C5orf24: variants seen among roughly 807,000 people sequenced by gnomAD.
C5orf24 encodes the protein chromosome 5 open reading frame 24, also known as UPF0461 protein C5orf24.
A neutral mutation model predicts 9.8 loss-of-function variants in C5orf24; 4 were observed. The ratio of observed to expected loss-of-function variants is 0.41; its 90% confidence interval spans 0.20 to 0.93. C5orf24 has a LOEUF of 0.93. Among genes scored for constraint, C5orf24 ranks in the 40% least tolerant of loss-of-function variants. The probability of loss-of-function intolerance (pLI) is 0.33; values close to 1 mark genes in which losing one functional copy is unlikely to be tolerated. For missense variants in C5orf24, 170 were observed against 236.9 expected, an observed-to-expected ratio of 0.72 and a Z score of 1.85; for synonymous variants, 73 against 81.3, an observed-to-expected ratio of 0.90 and a Z score of 0.55.
At chr5:134,854,395 A>G (rs1274870509) in intron 1 of C5orf24, among the ~76,000 whole-genome samples, 1 of 152,254 alleles carries the variant, frequency 6.6e-6, no homozygotes, top group East Asian at 1.9e-4. Flanking sequence ...ATAATAAATT[A>G]CAATAACGAT....
chr5:134,838,698 A>G, the C5orf24 span, among the ~76,000 whole-genome samples: 1 of 151,742 alleles, frequency 6.6e-6, no homozygotes, highest in South Asian at 2.1e-4. Flanking sequence ...TAATTTCAGC[A>G]CTTTGAGAGG....
upstream of C5orf24, among the ~76,000 whole-genome samples, chr5:134,842,286 TC>T (rs1360845813): frequency 1.3e-5 from 2 of 152,052 alleles, no homozygotes; most frequent in African/African-American, 4.8e-5. Context: ...GGTCAGGAGT[TC>T]AAGACCAGCC....
intron 1 of C5orf24, among the ~76,000 whole-genome samples, chr5:134,853,782 C>CTT (rs2150175694): frequency 6.6e-6 from 1 of 152,128 alleles, no homozygotes; most frequent in Non-Finnish European, 1.5e-5. Context: ...ATAAATACAC[C>CTT]TTACAAATAG....
rs1252569041 is a variant in C5orf24 at position 134,857,784 on chromosome 5, ATTTG to A, written c.*2321_*2324del. The A allele has an allele frequency of 3.8e-5, 7 of 182,832 alleles. No homozygotes were observed. The South Asian group carries it at 1.2e-3, about 31-fold the overall frequency. 11.3% of individuals were successfully genotyped at this position (182,832 alleles called of 1,614,324 possible). A position where few individuals can be genotyped will look rare whatever the true frequency, so the allele number is the denominator to read the frequency against. On this transcript the variant is annotated 3_prime_UTR_variant, in exon 2 of 2. Coordinates refer to ENST00000394976, the MANE Select transcript of C5orf24 (RefSeq NM_001135586.1). ...CTTTTTCAAGCCAGTTTCTAAAGACATTTGTTTAATGTTCTACCATAGAATAATG... is the reference window on the plus strand; with the variant it reads ...CTTTTTCAAGCCAGTTTCTAAAGACATTTAATGTTCTACCATAGAATAATG...
Position 134,855,601 on chromosome 5 carries a change from GCT to G in C5orf24, c.*135_*136del. On this transcript the variant is annotated 3_prime_UTR_variant, in exon 2 of 2. Transcript: ENST00000394976. The stretch of plus-strand genomic sequence containing the variant: ...TGTTTTCCTGTTTGGTTTTTTTCCT[GCT>G]TTTGCTCAAAAACTGCCATATGCTG... 6.8e-7 allele frequency: 1 copy of G among 1,474,560 alleles called. No individual in the cohort carries two copies. The highest frequency in any genetic ancestry group is 9.0e-7 in the Non-Finnish European group (1 of 1,112,042). The allele number at this position is 1,474,560 out of a possible 1,614,324, so 91.3% of individuals were successfully genotyped here. A position where few individuals can be genotyped will look rare whatever the true frequency, so the allele number is the denominator to read the frequency against.
upstream of C5orf24, among the ~76,000 whole-genome samples, chr5:134,843,301 G>T (rs1202638638): frequency 2.0e-5 from 3 of 151,994 alleles, no homozygotes; most frequent in African/African-American, 7.2e-5. Flanking sequence ...TCTTATTCAA[G>T]ATTTTATTGG....
At chr5:134,849,895 T>C (rs1756108539) in intron 1 of C5orf24, among the ~76,000 whole-genome samples, 1 of 151,940 alleles carries the variant, frequency 6.6e-6, no homozygotes, top group Non-Finnish European at 1.5e-5. Context: ...TGACCTCAAG[T>C]GATCCACCCG....
At chr5:134,849,100 C>A (rs942494155) in intron 1 of C5orf24, among the ~76,000 whole-genome samples, 3 of 143,014 alleles carry the variant, frequency 2.1e-5, no homozygotes, top group African/African-American at 7.8e-5. Context: ...ACTAAATATA[C>A]AAAAATTAGC....
chr5:134,847,552 C>T (rs61635214), intron 1 of C5orf24, among the ~76,000 whole-genome samples: 13,273 of 152,234 alleles, frequency 0.087, 808 homozygotes, highest in East Asian at 0.22. Flanking sequence ...TCTCAACCTC[C>T]CAAAGTGCTG....
chr5:134,853,350 A>G (rs1239421869), intron 1 of C5orf24, among the ~76,000 whole-genome samples: 1 of 148,394 alleles, frequency 6.7e-6, no homozygotes, highest in East Asian at 2.0e-4. Flanking sequence ...AACAAGTGCG[A>G]AACTCCACCT....
chr5:134,853,929 A>C (rs1357047348), intron 1 of C5orf24, among the ~76,000 whole-genome samples: 3 of 152,142 alleles, frequency 2.0e-5, no homozygotes, highest in African/African-American at 7.2e-5. Flanking sequence ...AAAGTACAAA[A>C]ATTAGCCGAA....
chr5:134,836,933 G>A, the C5orf24 span, among the ~76,000 whole-genome samples: 2 of 152,040 alleles, frequency 1.3e-5, no homozygotes, highest in African/African-American at 4.8e-5. Context: ...TATATTGGGA[G>A]GGTACTTGAA....
rs1756265644 is a variant in C5orf24, at chr5:134,854,889, T to G, written c.-3-9T>G. ...GTATTTATATATATTTGTCTTTTATTTTTGGTAGAAAATGATGCATCCTGT... is the reference window on the plus strand; with the variant it reads ...GTATTTATATATATTTGTCTTTTATGTTTGGTAGAAAATGATGCATCCTGT... On this transcript the variant is annotated splice_polypyrimidine_tract_variant and intron_variant, in intron 1 of 1. Transcript: ENST00000394976. 1 of 1,612,662 alleles carries G rather than the reference T, an allele frequency of 6.2e-7. No individual in the cohort carries two copies. The highest frequency in any genetic ancestry group is 8.5e-7 in the Non-Finnish European group (1 of 1,179,848).
At chr5:134,842,500 A>T (rs2150170030), upstream of C5orf24, among the ~76,000 whole-genome samples, 1 of 152,186 alleles carries the variant, frequency 6.6e-6, no homozygotes, top group African/African-American at 2.4e-5. Context: ...ATCTGAAAAA[A>T]AAAAAAAAGC....
Position 134,857,447 on chromosome 5 carries a change from T to C in C5orf24, c.*1980T>C, listed in dbSNP as rs1377202940. The C allele has an allele frequency of 2.0e-6, 3 of 1,533,458 alleles. No individual in the cohort carries two copies. Among genetic ancestry groups the C allele is most frequent in the African/African-American group, 1.4e-5 (1 of 72,770 alleles). The allele number at this position is 1,533,458 out of a possible 1,614,324, so 95.0% of individuals were successfully genotyped here. On this transcript the variant is annotated 3_prime_UTR_variant, in exon 2 of 2. Transcript: ENST00000394976. Reference sequence around the variant, plus strand: ...GCTCTTTACAGTAAGAGGTGTTGCATTGTATGTGGGGACTATGTGCACTGG... The same window carrying C: ...GCTCTTTACAGTAAGAGGTGTTGCACTGTATGTGGGGACTATGTGCACTGG...
chr5:134,833,865 T>C, the C5orf24 span, among the ~76,000 whole-genome samples: 2 of 152,166 alleles, frequency 1.3e-5, no homozygotes, highest in Non-Finnish European at 2.9e-5. Flanking sequence ...AATTTACTTT[T>C]GATTATTTGT....
At chr5:134,850,783 C>T (rs948156719) in intron 1 of C5orf24, among the ~76,000 whole-genome samples, 1 of 151,752 alleles carries the variant, frequency 6.6e-6, no homozygotes, top group Non-Finnish European at 1.5e-5. Context: ...AGCCGCACGA[C>T]TAATTTTTTA....
At chr5:134,833,616 C>T in the C5orf24 span, 1 of 152,164 alleles carries the variant, frequency 6.6e-6, no homozygotes, top group African/African-American at 2.4e-5. Context: ...CTACGTTTCC[C>T]TTACCAGGTA....
At chr5:134,838,004 T>G in the C5orf24 span, among the ~76,000 whole-genome samples, 1 of 152,170 alleles carries the variant, frequency 6.6e-6, no homozygotes, top group African/African-American at 2.4e-5. Flanking sequence ...CCTAGCACTT[T>G]GCGAGGCAGT....
Sources: gnomAD v4.1 joint callset for allele counts (sites outside exome capture counted in the v4.1 genomes callset) on GRCh38, gnomAD v4.1.1 for gene constraint, MANE v1.5 for transcripts, NCBI Gene and HGNC (gene_info 2026-07-23, HGNC 2026-07-21) for gene names.